The following DRAM1 variants were observed in gnomAD, a reference collection of about 807,000 sequenced individuals.
DRAM1 encodes the protein DNA damage-regulated autophagy modulator protein 1.
Under a neutral mutation model 28.5 loss-of-function variants are expected in DRAM1, and 25 were observed. That is an observed-to-expected ratio of 0.88 (90% confidence interval 0.64 to 1.23). The LOEUF (loss-of-function observed/expected upper bound fraction) is 1.23, where lower values mean the gene tolerates loss of function less well. Ranked by LOEUF, DRAM1 falls within the 50% of genes most tolerant of loss-of-function variation. DRAM1 has a pLI of 0.00. For synonymous variants in DRAM1, 113 were observed against 114.2 expected, an observed-to-expected ratio of 0.99 and a Z score of 0.07; for missense variants, 249 against 299.2, an observed-to-expected ratio of 0.83 and a Z score of 1.24.
intron 4 of DRAM1, 107 bp downstream of exon 4, chr12:101,908,470 C>T: frequency 8.5e-7 from 1 of 1,172,150 alleles, no homozygotes; most frequent in African/African-American, 1.5e-5. Context: ...TGAGTTCTGA[C>T]AGCAGGGCGG....
chr12:101,901,078 G>GGT lies in DRAM1; in HGVS notation c.200-168_200-167dup, dbSNP rs67125604. Reference sequence around the variant, plus strand: ...TACATGAAAAGGACAACAGCCAAGGGGTGTGTGTGTGTGTGTGTGTGTGTG... The same window carrying GGT: ...TACATGAAAAGGACAACAGCCAAGGGGTGTGTGTGTGTGTGTGTGTGTGTGTG... On this transcript the variant is annotated intron_variant, in intron 2 of 6. Coordinates refer to ENST00000258534, the MANE Select transcript of DRAM1 (RefSeq NM_018370.3). Among the ~76,000 whole-genome samples, 923 of 143,018 alleles carry GGT rather than the reference G, an allele frequency of 6.5e-3. 7 individuals are homozygous for GGT. The highest frequency in any genetic ancestry group is 0.018 in the African/African-American group (695 of 38,596). The allele number at this position is 143,018 out of a possible 152,430, so 93.8% of individuals were successfully genotyped here.
At chr12:101,917,591 C>A (rs1874298785) in intron 5 of DRAM1, among the ~76,000 whole-genome samples, 1 of 150,362 alleles carries the variant, frequency 6.7e-6, no homozygotes, top group South Asian at 2.1e-4. Context: ...GAGGCTGAGG[C>A]AGGAGAATTG....
intron 1 of DRAM1, among the ~76,000 whole-genome samples, chr12:101,895,186 G>GTTTGTTTTTTTTTT (rs1372490429): frequency 1.6e-4 from 12 of 75,720 alleles, no homozygotes; most frequent in African/African-American, 6.1e-4. Flanking sequence ...AACCCTTCAG[G>GTTTGTTTTTTTTTT]TTTTTTTTTT....
At position 101,897,732 on chromosome 12, in the gene DRAM1, C is replaced by T. The variant is rs1421162869; in HGVS notation, c.132-131C>T. The T allele has an allele frequency of 7.4e-6, 5 of 676,604 alleles. No homozygotes were observed. In the African/African-American group the frequency reaches 9.4e-5, roughly 13 times the overall value. The allele number at this position is 676,604 out of a possible 1,614,324, so 41.9% of individuals were successfully genotyped here. A position where few individuals can be genotyped will look rare whatever the true frequency, so the allele number is the denominator to read the frequency against. Reference sequence around the variant, plus strand: ...GAAAATACTTTAGAACAAAATCAGGCCAAATCTTTGGAATTCAAAGTGGCT... The same window carrying T: ...GAAAATACTTTAGAACAAAATCAGGTCAAATCTTTGGAATTCAAAGTGGCT... On this transcript the variant is annotated intron_variant, in intron 1 of 6. Coordinates refer to ENST00000258534, the MANE Select transcript of DRAM1 (RefSeq NM_018370.3).
In DRAM1 at chr12:101,908,342, T is replaced by C; in HGVS notation, c.499T>C (p.Ser167Pro). 1 of 1,611,038 alleles carries C rather than the reference T, an allele frequency of 6.2e-7. No homozygotes were observed. The highest frequency in any genetic ancestry group is 8.5e-7 in the Non-Finnish European group (1 of 1,179,248). ...CATACGGATGGTCATCTCTGCCGTT[T>C]CTTGCGCAGCTGTCATCCCCAGTAT... ...CHIRMVISAVSCAAVIPMIVC... is the reference protein window; with the variant it reads ...CHIRMVISAVPCAAVIPMIVC... The change falls in exon 4 of 7, where the codon TCT becomes CCT. Residue 167 changes from serine (S) to proline (P), a missense_variant. Ser to Pro is a moderately conservative substitution (Grantham distance 74). Coordinates refer to ENST00000258534, the MANE Select transcript of DRAM1 (RefSeq NM_018370.3).
intron 3 of DRAM1, among the ~76,000 whole-genome samples, chr12:101,905,699 C>A (rs1873775413): frequency 6.6e-6 from 1 of 152,154 alleles, no homozygotes; most frequent in Admixed American, 6.5e-5. Flanking sequence ...AAGTGATTCT[C>A]CCACCTCAGC....
In DRAM1 at chr12:101,878,256, A is replaced by G. The variant is rs139056337; in HGVS notation, c.131+336A>G. Among the ~76,000 whole-genome samples the G allele has an allele frequency of 8.7e-4, 133 of 152,270 alleles. 1 individual carries two copies. Among genetic ancestry groups the G allele is most frequent in the African/African-American group, 3.0e-3 (124 of 41,548 alleles). ...AACAAGATGGGTTCTGATAGATGAC[A>G]TATATTATACAAGAGGTAGATCCAG... On this transcript the variant is annotated intron_variant, in intron 1 of 6. Coordinates refer to ENST00000258534, the MANE Select transcript of DRAM1 (RefSeq NM_018370.3).
At chr12:101,889,804 G>A (rs929092012) in intron 1 of DRAM1, among the ~76,000 whole-genome samples, 2 of 151,814 alleles carry the variant, frequency 1.3e-5, no homozygotes, top group Non-Finnish European at 2.9e-5. Flanking sequence ...GCCATGCATG[G>A]TGGTGGGTGC....
rs182095811 is a variant in DRAM1, at chr12:101,886,304, C to A, written c.131+8384C>A. 2.6e-5 allele frequency among the ~76,000 whole-genome samples: 4 copies of A among 152,340 alleles called. No homozygotes were observed. In the East Asian group the frequency reaches 7.7e-4, roughly 29 times the overall value. On this transcript the variant is annotated intron_variant, in intron 1 of 6. Transcript: ENST00000258534. ...GGTATGGCTCCATTATGTGTTCCAG[C>A]TGTAGAACTTTGGACAGGTTACTTG...
At chr12:101,906,568 C>G (rs985262675) in intron 3 of DRAM1, among the ~76,000 whole-genome samples, 1 of 152,162 alleles carries the variant, frequency 6.6e-6, no homozygotes, top group African/African-American at 2.4e-5. Context: ...TTGAAAGGAG[C>G]TGAGGCTGGG....
chr12:101,878,668 C>G (rs960905023), intron 1 of DRAM1, among the ~76,000 whole-genome samples: 1 of 152,220 alleles, frequency 6.6e-6, no homozygotes, highest in African/African-American at 2.4e-5. Context: ...TGGTCTGATC[C>G]TCCTATGTGG....
At chr12:101,914,313 C>A in intron 5 of DRAM1, 81 bp downstream of exon 5, 1 of 1,044,948 alleles carries the variant, frequency 9.6e-7, no homozygotes, top group Non-Finnish European at 1.4e-6. Context: ...GGGAAGATCA[C>A]TGCCGTTCCT....
Position 101,914,167 on chromosome 12 carries a change from C to A in DRAM1, c.521-7C>A, listed in dbSNP as rs373316104. ...CTGTAGTTTCCTTAACTGTTTACTT[C>A]TTTCAGTGATTGTCTGTGCTTCACT... On this transcript the variant is annotated splice_region_variant and splice_polypyrimidine_tract_variant and intron_variant, in intron 4 of 6. Transcript: ENST00000258534. 1 of 1,600,808 alleles carries A rather than the reference C, an allele frequency of 6.2e-7. No individual in the cohort carries two copies. The highest frequency in any genetic ancestry group is 8.5e-7 in the Non-Finnish European group (1 of 1,174,086).
At chr12:101,883,631 AAAATT>A (rs1872770431) in intron 1 of DRAM1, among the ~76,000 whole-genome samples, 2 of 150,240 alleles carry the variant, frequency 1.3e-5, no homozygotes, top group African/African-American at 2.4e-5. Context: ...TTCCTATCAG[AAAATT>A]AAATTAAAAA....
Position 101,916,603 on chromosome 12 carries a change from G to A in DRAM1, c.579+2371G>A, listed in dbSNP as rs866204212. On this transcript the variant is annotated intron_variant, in intron 5 of 6. Transcript: ENST00000258534. The stretch of plus-strand genomic sequence containing the variant: ...ACCTGTAGTAGTGGTTCATCTAGAC[G>A]CCTTATAGGAGAATCAAGGATGCCC... Among the ~76,000 whole-genome samples the A allele has an allele frequency of 9.2e-5, 14 of 152,172 alleles. 1 individual carries two copies. The highest frequency in any genetic ancestry group is 5.2e-4 in the Admixed American group (8 of 15,270).
At chr12:101,911,176 A>G (rs529772343) in intron 4 of DRAM1, among the ~76,000 whole-genome samples, 2 of 152,262 alleles carry the variant, frequency 1.3e-5, no homozygotes, top group African/African-American at 4.8e-5. Context: ...GGGAGGTTAC[A>G]GTGAGCCAAG....
chr12:101,901,302 A>G lies in DRAM1; in HGVS notation c.211A>G (p.Met71Val), dbSNP rs1445446445. 1.2e-6 allele frequency: 2 copies of G among 1,613,370 alleles called. No homozygotes were observed. Among genetic ancestry groups the G allele is most frequent in the Non-Finnish European group, 1.7e-6 (2 of 1,179,844 alleles). ...CTCTTCTTTTTCAGGTGCAGCCACG[A>G]TGTATACAAGATACAAAATAGTACA... is the stretch of plus-strand genomic sequence containing the variant. ...NFSAFLGAAT[M>V]YTRYKIVQKQ... The change falls in exon 3 of 7, where the codon ATG (methionine) becomes GTG (valine). Residue 71 changes from methionine to valine, a missense_variant. Physicochemically the swap from Met to Val is conservative, Grantham distance 21. This residue lies in a region of DRAM1 where 218 missense variants were observed against 243.1 expected (regional missense o/e 0.90). Transcript: ENST00000258534.
intron 1 of DRAM1, among the ~76,000 whole-genome samples, chr12:101,896,059 G>T (rs948988305): frequency 2.7e-5 from 4 of 150,518 alleles, no homozygotes; most frequent in African/African-American, 9.8e-5. Flanking sequence ...GCTAATTTTT[G>T]TATTTTTTAG....
chr12:101,905,805 A>C (rs771223968), intron 3 of DRAM1, among the ~76,000 whole-genome samples: 19 of 145,408 alleles, frequency 1.3e-4, no homozygotes, highest in Non-Finnish European at 2.1e-4. Context: ...TTATTTTTTG[A>C]GATGGAGTCT....
Sources: gnomAD v4.1 joint callset for allele counts (sites outside exome capture counted in the v4.1 genomes callset) on GRCh38, gnomAD v4.1.1 for gene constraint, gnomAD v4.1.1 regional missense constraint, MANE v1.5 for transcripts, NCBI Gene and HGNC (gene_info 2026-07-23, HGNC 2026-07-21) for gene names.